ASPH: variants seen among roughly 807,000 people sequenced by gnomAD.
ASPH encodes the protein aspartyl/asparaginyl beta-hydroxylase.
In ASPH, 100 loss-of-function variants were observed where a neutral mutation model predicts 118.4. The observed-to-expected ratio is 0.84, with a 90% CI of 0.72 to 1.00. The LOEUF (loss-of-function observed/expected upper bound fraction) is 1.00. Among genes scored for constraint, ASPH ranks in the 50% least tolerant of loss-of-function variants. ASPH has a pLI of 0.00. For synonymous variants in ASPH, 315 were observed against 325.6 expected (o/e 0.97, Z 0.35); for missense variants, 920 against 919.5 (o/e 1.00, Z -0.01).
At chr8:61,630,602 C>T (rs1026361090) in intron 13 of ASPH, among the ~76,000 whole-genome samples, 24 of 152,140 alleles carry the variant, frequency 1.6e-4, no homozygotes, top group Non-Finnish European at 3.2e-4. Flanking sequence ...TGTCTAGATG[C>T]ATCTTAGCTT....
Position 61,533,314 on chromosome 8 carries a change from G to A in ASPH, c.1765-7202C>T, listed in dbSNP as rs138271315. 3.4e-3 allele frequency among the ~76,000 whole-genome samples: 523 copies of A among 151,722 alleles called. 6 individuals carry two copies. The highest frequency in any genetic ancestry group is 0.012 in the African/African-American group (495 of 41,376). ...TTTTAATTTCTGAGAGCCCTTTCTG[G>A]GTCTTCAATTCTTCCTTTTTACAGT... On this transcript the variant is annotated intron_variant, in intron 21 of 24. Transcript: ENST00000379454.
At chr8:61,541,922 G>A (rs1416914044) in intron 21 of ASPH, among the ~76,000 whole-genome samples, 1 of 152,160 alleles carries the variant, frequency 6.6e-6, no homozygotes. Flanking sequence ...AAAGGAAAAG[G>A]ACACAAGATA....
intron 1 of ASPH, among the ~76,000 whole-genome samples, chr8:61,705,542 C>A (rs74854515): frequency 1.3e-5 from 2 of 152,016 alleles, no homozygotes; most frequent in South Asian, 2.1e-4. Context: ...AAAGTACTTG[C>A]AAAAGAAGTT....
intron 1 of ASPH, among the ~76,000 whole-genome samples, chr8:61,712,969 A>G (rs1838406363): frequency 6.6e-6 from 1 of 152,240 alleles, no homozygotes; most frequent in South Asian, 2.1e-4. Context: ...TCATTTAGGG[A>G]TGTTAAAAAA....
In ASPH at chr8:61,637,996, A is replaced by T; in HGVS notation, c.840T>A (p.Thr280=). The T allele has an allele frequency of 6.2e-7, 1 of 1,607,868 alleles. No individual in the cohort carries two copies. The highest frequency in any genetic ancestry group is 8.5e-7 in the Non-Finnish European group (1 of 1,177,646). Residue 280 remains threonine, a synonymous_variant, in exon 12 of 25, where the codon ACT becomes ACA. Coordinates refer to ENST00000379454, the MANE Select transcript of ASPH (RefSeq NM_004318.4). ...ENEGIEITEV[T]APPEDNPVED... ...CTACAGGATTATCCTCAGGGGGAGCAGTTACTTCTAAAATAAAGAATAAAA... is the reference window on the plus strand; with the variant it reads ...CTACAGGATTATCCTCAGGGGGAGCTGTTACTTCTAAAATAAAGAATAAAA...
At chr8:61,575,766 T>C (rs1834935417) in intron 16 of ASPH, among the ~76,000 whole-genome samples, 1 of 152,216 alleles carries the variant, frequency 6.6e-6, no homozygotes, top group African/African-American at 2.4e-5. Context: ...AATTCTGAGC[T>C]GGCCAGTGCT....
intron 15 of ASPH, chr8:61,579,154 G>A (rs2132287018): frequency 2.5e-6 from 4 of 1,611,968 alleles, no homozygotes; most frequent in Non-Finnish European, 1.7e-6. Context: ...GAGATGAACT[G>A]GAACATCAGC....
chr8:61,685,325 T>C (rs945841061), intron 1 of ASPH, among the ~76,000 whole-genome samples: 3 of 152,178 alleles, frequency 2.0e-5, no homozygotes, highest in South Asian at 2.1e-4. Flanking sequence ...CAGGGGCAGT[T>C]CCTGGGTGAG....
At chr8:61,641,098 G>A (rs972807255) in intron 10 of ASPH, among the ~76,000 whole-genome samples, 2 of 152,120 alleles carry the variant, frequency 1.3e-5, no homozygotes, top group East Asian at 1.9e-4. Flanking sequence ...AACAGTTTAT[G>A]TTCTATATAA....
chr8:61,638,025 G>T, intron 11 of ASPH, 22 bp from the exon 12 acceptor site: 1 of 1,597,094 alleles, frequency 6.3e-7, no homozygotes, highest in Admixed American at 1.7e-5. Context: ...AATAAAATCA[G>T]AATCCATTAC....
intron 3 of ASPH, chr8:61,661,850 C>T: frequency 2.4e-6 from 1 of 413,184 alleles, no homozygotes; most frequent in Non-Finnish European, 4.3e-6. Flanking sequence ...AGTGTTCATG[C>T]TGATTGATTT....
intron 24 of ASPH, among the ~76,000 whole-genome samples, chr8:61,509,806 G>A (rs538019762): frequency 6.6e-6 from 1 of 152,164 alleles, no homozygotes; most frequent in African/African-American, 2.4e-5. Flanking sequence ...GAGTAGGGGG[G>A]GAGGGTCTCT....
At chr8:61,509,204 T>C (rs778732890) in intron 24 of ASPH, among the ~76,000 whole-genome samples, 5 of 152,202 alleles carry the variant, frequency 3.3e-5, no homozygotes, top group Non-Finnish European at 7.3e-5. Context: ...AAGAGGGTTC[T>C]TGGATCTCAA....
chr8:61,668,787 T>C (rs539617945), intron 3 of ASPH, among the ~76,000 whole-genome samples: 2 of 152,238 alleles, frequency 1.3e-5, no homozygotes, highest in Non-Finnish European at 2.9e-5. Context: ...CAAGTAAGAA[T>C]GACAGTATTA....
At chr8:61,528,178 G>C (rs556847739) in intron 21 of ASPH, among the ~76,000 whole-genome samples, 4 of 152,248 alleles carry the variant, frequency 2.6e-5, no homozygotes, top group African/African-American at 9.6e-5. Flanking sequence ...CAAGTGGGCA[G>C]TTCATGAAGA....
chr8:61,652,971 A>G (rs1811813046), intron 4 of ASPH, among the ~76,000 whole-genome samples: 1 of 152,236 alleles, frequency 6.6e-6, no homozygotes, highest in South Asian at 2.1e-4. Context: ...AATAGGTGGC[A>G]TAAGAAAACC....
intron 24 of ASPH, among the ~76,000 whole-genome samples, chr8:61,510,687 G>GC (rs1808502301): frequency 6.6e-6 from 1 of 152,232 alleles, no homozygotes; most frequent in Admixed American, 6.5e-5. Flanking sequence ...GGGTCACAGA[G>GC]CAGGGGTCAA....
chr8:61,549,580 C>T (rs1055742575), intron 20 of ASPH, among the ~76,000 whole-genome samples: 1 of 152,036 alleles, frequency 6.6e-6, no homozygotes, highest in African/African-American at 2.4e-5. Flanking sequence ...AGCCAGAATT[C>T]CTTTAAAAAC....
intron 10 of ASPH, among the ~76,000 whole-genome samples, chr8:61,639,499 C>G (rs1002074788): frequency 3.3e-4 from 50 of 152,178 alleles, no homozygotes; most frequent in Admixed American, 1.1e-3. Context: ...TGACCATACT[C>G]TCCCCTTTGG....
Sources: allele counts gnomAD v4.1 joint callset (sites outside exome capture counted in the v4.1 genomes callset), GRCh38; gene constraint gnomAD v4.1.1; transcripts MANE v1.5; gene names NCBI Gene and HGNC (gene_info 2026-07-23, HGNC 2026-07-21).